Variants in GATM observed in about 807,000 individuals in gnomAD.
GATM encodes glycine amidinotransferase, mitochondrial.
In GATM, 23 loss-of-function variants were observed where a neutral mutation model predicts 54.2. The observed-to-expected ratio is 0.42, with a 90% CI of 0.31 to 0.60. The LOEUF is 0.60. Ranked by LOEUF, GATM falls within the 20% of genes least tolerant of loss-of-function variation. The pLI is 0.14. For synonymous variants in GATM, 168 were observed against 183.1 expected (o/e 0.92, Z 0.67); for missense variants, 401 against 544.9 (o/e 0.74, Z 2.63).
intron 1 of GATM, 54 bp downstream of exon 1, chr15:45,378,331 C>T: frequency 2.8e-6 from 4 of 1,409,476 alleles, no homozygotes; most frequent in Non-Finnish European, 2.9e-6. Context: ...TCCACGCCGC[C>T]CGCAGGATCG....
chr15:45,392,833 A>G (rs1366578189), intron 3 of GATM, among the ~76,000 whole-genome samples: 1 of 152,232 alleles, frequency 6.6e-6, no homozygotes, highest in Non-Finnish European at 1.5e-5. Context: ...TGAGCCCTGG[A>G]AGATACTTGT....
At position 45,378,381 on chromosome 15, in the gene GATM, G is replaced by T; in HGVS notation, c.69+4C>A. On this transcript the variant is annotated splice_donor_region_variant and intron_variant, in intron 1 of 8. Transcript: ENST00000396659. ...CCGCCAGACGAGGCCGGTGGCGCAC[G>T]CACCCGAGATCCGATGTAGTGCACC... The T allele has an allele frequency of 6.6e-7, 1 of 1,517,912 alleles. No homozygotes were observed. Among genetic ancestry groups the T allele is most frequent in the African/African-American group, 1.4e-5 (1 of 70,882 alleles). The allele number at this position is 1,517,912 out of a possible 1,614,324, so 94.0% of individuals were successfully genotyped here.
Position 45,376,729 on chromosome 15 carries a change from C to G in GATM, c.160G>C (p.Asp54His), listed in dbSNP as rs780777061. Residue 54 changes from aspartate (D) to histidine (H), a missense_variant, in exon 2 of 9, where the codon GAC becomes CAC. Coordinates refer to ENST00000396659, the MANE Select transcript of GATM (RefSeq NM_001482.3). ...TTGGGCAGAGGCTCAGTGGCTTTGT[C>G]GTCAGCTGCACAGGAGTTCCGGGAG... ...ASSRNSCAADDKATEPLPKDC... is the reference protein window; with the variant it reads ...ASSRNSCAADHKATEPLPKDC... The G allele has an allele frequency of 1.2e-6, 2 of 1,614,142 alleles. No individual in the cohort carries two copies. Among genetic ancestry groups the G allele is most frequent in the Non-Finnish European group, 8.5e-7 (1 of 1,180,036 alleles).
chr15:45,362,401 ATCT>A (rs2140636309), intron 8 of GATM, among the ~76,000 whole-genome samples, 180 bp from the exon 9 acceptor site: 1 of 152,330 alleles, frequency 6.6e-6, no homozygotes, highest in African/African-American at 2.4e-5. Context: ...CTAATATAAA[ATCT>A]TCTCCAAAAA....
chr15:45,361,638 C>A lies in GATM; in HGVS notation c.*471G>T, dbSNP rs1291968241. ...CTGTGTATGTTCTAAGTCTTTCTCT[C>A]CTTTAGAAAAAAAGAGATAATCTGA... is the stretch of plus-strand genomic sequence containing the variant. On this transcript the variant is annotated 3_prime_UTR_variant, in exon 9 of 9. Transcript: ENST00000396659. 3.5e-6 allele frequency: 1 copy of A among 282,230 alleles called. No individual in the cohort carries two copies. The highest frequency in any genetic ancestry group is 6.1e-5 in the East Asian group (1 of 16,490). The allele number at this position is 282,230 out of a possible 1,614,324, so 17.5% of individuals were successfully genotyped here.
intron 2 of GATM, among the ~76,000 whole-genome samples, chr15:45,398,968 T>C (rs1889966675): frequency 2.0e-5 from 3 of 152,196 alleles, no homozygotes; most frequent in African/African-American, 4.8e-5. Context: ...TTCTTTTGAA[T>C]TATAGACTTA....
At chr15:45,389,738 A>T (rs1179985673) in intron 3 of GATM, among the ~76,000 whole-genome samples, 2 of 152,240 alleles carry the variant, frequency 1.3e-5, no homozygotes, top group African/African-American at 2.4e-5. Context: ...ACTAGAAAGA[A>T]GCAATAGGTA....
chr15:45,376,090 G>A (rs1292606190), intron 2 of GATM, among the ~76,000 whole-genome samples: 1 of 152,190 alleles, frequency 6.6e-6, no homozygotes, highest in Non-Finnish European at 1.5e-5. Context: ...AAATAGGAAT[G>A]CCAATAATTA....
At chr15:45,400,037 C>A (rs1186433879) in intron 1 of GATM, among the ~76,000 whole-genome samples, 2 of 152,086 alleles carry the variant, frequency 1.3e-5, no homozygotes, top group African/African-American at 4.8e-5. Flanking sequence ...GCCTGGCCAA[C>A]AGGGTAAAAC....
At chr15:45,367,186 C>T (rs1166665198) in intron 4 of GATM, among the ~76,000 whole-genome samples, 2 of 152,042 alleles carry the variant, frequency 1.3e-5, no homozygotes, top group Non-Finnish European at 2.9e-5. Flanking sequence ...ACTAAAAATA[C>T]AAAAATTCGT....
chr15:45,364,126 T>C, intron 7 of GATM, 110 bp from the exon 8 acceptor site: 1 of 759,498 alleles, frequency 1.3e-6, no homozygotes, highest in Non-Finnish European at 2.4e-6. Context: ...AGTAGTTCAC[T>C]TTCCATGTGA....
At chr15:45,365,901 C>A in intron 6 of GATM, 145 bp downstream of exon 6, 1 of 752,676 alleles carries the variant, frequency 1.3e-6, no homozygotes, top group Non-Finnish European at 2.3e-6. Flanking sequence ...CATAAGGAAT[C>A]CAATGTTTGA....
intron 3 of GATM, among the ~76,000 whole-genome samples, chr15:45,390,417 C>T (rs773531144): frequency 3.3e-5 from 5 of 152,070 alleles, no homozygotes; most frequent in Non-Finnish European, 7.4e-5. Context: ...TAATAGAAAC[C>T]AAAGAAAGGA....
Position 45,366,039 on chromosome 15 carries a change from C to A in GATM, c.978+7G>T. The A allele has an allele frequency of 1.2e-6, 2 of 1,614,026 alleles. No homozygotes were observed. The highest frequency in any genetic ancestry group is 1.7e-6 in the Non-Finnish European group (2 of 1,179,910). ...TTGCTTTTCCAGAGTCCCAAGAAAT[C>A]TCTTACCTGGTGACATGGTCGGTCA... On this transcript the variant is annotated splice_region_variant and intron_variant, in intron 6 of 8. Coordinates refer to ENST00000396659, the MANE Select transcript of GATM (RefSeq NM_001482.3).
intron 3 of GATM, among the ~76,000 whole-genome samples, chr15:45,390,775 C>G (rs140333659): frequency 6.6e-6 from 1 of 151,980 alleles, no homozygotes; most frequent in East Asian, 1.9e-4. Flanking sequence ...GTATATGATT[C>G]CTGAGTGAAA....
intron 1 of GATM, among the ~76,000 whole-genome samples, chr15:45,399,926 G>A (rs2140687063): frequency 1.3e-5 from 2 of 152,284 alleles, no homozygotes; most frequent in Non-Finnish European, 2.9e-5. Flanking sequence ...CATTAGAATG[G>A]TTTACCACAA....
At chr15:45,383,590 TTGC>T (rs918460200) in intron 3 of GATM, among the ~76,000 whole-genome samples, 88 of 141,434 alleles carry the variant, frequency 6.2e-4, no homozygotes, top group African/African-American at 1.8e-3. Context: ...ATTTGCCAAA[TTGC>T]TGCTTTTTTT....
Position 45,361,788 on chromosome 15 carries a change from A to C in GATM, c.*321T>G. On this transcript the variant is annotated 3_prime_UTR_variant, in exon 9 of 9. Coordinates refer to ENST00000396659, the MANE Select transcript of GATM (RefSeq NM_001482.3). Reference sequence around the variant, plus strand: ...CATTTCAAGCTGCCTTTTGGAAAGAAAATTAAAAACAGAGGTAGATGGTTA... The same window carrying C: ...CATTTCAAGCTGCCTTTTGGAAAGACAATTAAAAACAGAGGTAGATGGTTA... The C allele has an allele frequency of 2.0e-6, 1 of 492,166 alleles. No homozygotes were observed. Among genetic ancestry groups the C allele is most frequent in the Non-Finnish European group, 3.5e-6 (1 of 281,850 alleles). 30.5% of individuals were successfully genotyped at this position (492,166 alleles called of 1,614,324 possible).
rs889346887 is a variant in GATM, at chr15:45,368,755, T to C, written c.485-495A>G. Among the ~76,000 whole-genome samples, 1 of 146,584 alleles carries C rather than the reference T, an allele frequency of 6.8e-6. No homozygotes were observed. Among genetic ancestry groups the C allele is most frequent in the Non-Finnish European group, 1.5e-5 (1 of 66,496 alleles). ...TAGATTGTTAACATGAATTGTGTGG[T>C]GGGGGGGAAGCCCAGAAAAAAAAGA... On this transcript the variant is annotated intron_variant, in intron 3 of 8. Transcript: ENST00000396659. This position sits in a 1 kb window ranked among gnomAD's most constrained non-coding sequence, Gnocchi z 5.1.
Sources: allele counts gnomAD v4.1 joint callset (sites outside exome capture counted in the v4.1 genomes callset), GRCh38; gene constraint gnomAD v4.1.1; non-coding constraint Gnocchi (gnomAD v3.1); transcripts MANE v1.5; gene names NCBI Gene and HGNC (gene_info 2026-07-23, HGNC 2026-07-21).